The following NOS1 variants were observed in gnomAD, a reference collection of about 807,000 sequenced individuals.
The protein encoded by NOS1 is NOS type I.
NOS1 carries 51 observed loss-of-function variants against 164.5 expected under a neutral mutation model. The observed-to-expected ratio is 0.31, with a 90% confidence interval of 0.25 to 0.39. The LOEUF (loss-of-function observed/expected upper bound fraction) is 0.39. Ranked by LOEUF, NOS1 falls within the 10% of genes least tolerant of loss-of-function variation. The pLI, the probability that NOS1 is intolerant of heterozygous loss-of-function variation, is 1.00. For synonymous variants in NOS1, 719 were observed against 745.8 expected (o/e 0.96, Z 0.59); for missense variants, 1,362 against 1,885.6 (o/e 0.72, Z 5.14).
chr12:117,272,173 G>A lies in NOS1; in HGVS notation c.1839+212C>T, dbSNP rs1436151281. 1.3e-5 allele frequency among the ~76,000 whole-genome samples: 2 copies of A among 152,184 alleles called. No homozygotes were observed. Among genetic ancestry groups the A allele is most frequent in the Non-Finnish European group, 2.9e-5 (2 of 68,040 alleles). On this transcript the variant is annotated intron_variant, in intron 10 of 28. Transcript: ENST00000317775. This position sits in a 1 kb window ranked among gnomAD's most constrained non-coding sequence, Gnocchi z 4.3. ...ACAGTGCTTCGGATGCTGTTAGCAC[G>A]TGCTATGTGCTATGTGCGTGTTTGC... is the stretch of plus-strand genomic sequence containing the variant.
At chr12:117,355,102 C>T (rs894001639) in intron 1 of NOS1, among the ~76,000 whole-genome samples, 10 of 152,122 alleles carry the variant, frequency 6.6e-5, no homozygotes, top group African/African-American at 2.4e-4. Flanking sequence ...CAAATGTTCC[C>T]AGCAGAAGCT....
At position 117,356,614 on chromosome 12, in the gene NOS1, A is replaced by G. The variant is rs1876863579; in HGVS notation, c.-421+4898T>C. Among the ~76,000 whole-genome samples, 1 of 152,162 alleles carries G rather than the reference A, an allele frequency of 6.6e-6. No individual in the cohort carries two copies. Among genetic ancestry groups the G allele is most frequent in the African/African-American group, 2.4e-5 (1 of 41,420 alleles). ...TCTAGCACTGGCCTTGCCATTTAAC[A>G]CGTGTCATGACACATACAATAAATG... On this transcript the variant is annotated intron_variant, in intron 1 of 28. Transcript: ENST00000317775. The surrounding 1 kb of genome is among the most constrained non-coding windows in gnomAD (Gnocchi z 4.2).
At chr12:117,347,566 C>T (rs1031375937) in intron 1 of NOS1, among the ~76,000 whole-genome samples, 2 of 152,124 alleles carry the variant, frequency 1.3e-5, no homozygotes, top group African/African-American at 4.8e-5. Flanking sequence ...ACTGTGGGAC[C>T]CCTGCTAGTG....
intron 17 of NOS1, among the ~76,000 whole-genome samples, chr12:117,250,785 A>G (rs1436193770): frequency 2.6e-5 from 4 of 152,182 alleles, no homozygotes; most frequent in Non-Finnish European, 5.9e-5. Flanking sequence ...CACCTGCCTC[A>G]GCCTTAGCCC....
intron 18 of NOS1, among the ~76,000 whole-genome samples, chr12:117,245,389 C>T (rs1870539530): frequency 6.6e-6 from 1 of 152,048 alleles, no homozygotes; most frequent in South Asian, 2.1e-4. Context: ...ACAGCTCTGG[C>T]CAATAGGATG....
At chr12:117,291,915 A>G (rs1338190298) in intron 3 of NOS1, among the ~76,000 whole-genome samples, 1 of 152,130 alleles carries the variant, frequency 6.6e-6, no homozygotes, top group Non-Finnish European at 1.5e-5. Flanking sequence ...TCAGGCAAGC[A>G]TTGGTCACTT....
In NOS1 at chr12:117,234,682, C is replaced by T. The variant is rs764970966; in HGVS notation, c.3118G>A (p.Val1040Ile). ...AGGTCCTCGTGGTTGCCAGGGAAGA[C>T]ACCCAGGTGGTCCCCAGGCTGGTAC... ...LQYQPGDHLG[V>I]FPGNHEDLVN... Residue 1040 changes from valine (V) to isoleucine (I), a missense_variant, in exon 21 of 29, where the codon GTC (valine) becomes ATC (isoleucine). Around this residue, in one of 4 missense-constraint regions of NOS1, gnomAD observed 737 missense variants for 1,030.3 expected, o/e 0.72. Coordinates refer to ENST00000317775, the MANE Select transcript of NOS1 (RefSeq NM_000620.5). The surrounding 1 kb of genome is among the most constrained non-coding windows in gnomAD (Gnocchi z 4.3). 2.5e-6 allele frequency: 4 copies of T among 1,614,194 alleles called. No individual in the cohort carries two copies. The highest frequency in any genetic ancestry group is 3.4e-6 in the Non-Finnish European group (4 of 1,180,010).
chr12:117,330,541 C>G lies in NOS1; in HGVS notation c.529G>C (p.Gly177Arg). 8 of 1,613,818 alleles carry G rather than the reference C, an allele frequency of 5.0e-6. No homozygotes were observed. The highest frequency in any genetic ancestry group is 6.8e-6 in the Non-Finnish European group (8 of 1,179,994). Residue 177 changes from glycine (G) to arginine (R), a missense_variant, in exon 2 of 29, where the codon GGC becomes CGC. Gly to Arg is a moderately radical substitution (Grantham distance 125). Around this residue, in one of 4 missense-constraint regions of NOS1, gnomAD observed 362 missense variants for 402.0 expected, o/e 0.90. Transcript: ENST00000317775. This position sits in a 1 kb window ranked among gnomAD's most constrained non-coding sequence, Gnocchi z 4.6. ...TGGCCTGGGGGCCTGGGGGCCAGGC[C>G]GTTGGCATGGGGGAGTGAGCCAGCC... ...QEAGSLPHAN[G>R]LAPRPPGQDP... is the part of the protein sequence containing the mutation.
Position 117,355,022 on chromosome 12 carries a change from T to C in NOS1, c.-421+6490A>G, listed in dbSNP as rs527891610. 5.9e-5 allele frequency among the ~76,000 whole-genome samples: 9 copies of C among 152,338 alleles called. No individual in the cohort carries two copies. In the East Asian group the frequency reaches 1.7e-3, roughly 29 times the overall value. ...GAAAGGCTCACCTTTTTAATCCTCA[T>C]GGTAGCAAAATTTAGCTGTCAGGTT... On this transcript the variant is annotated intron_variant, in intron 1 of 28. Coordinates refer to ENST00000317775, the MANE Select transcript of NOS1 (RefSeq NM_000620.5).
At chr12:117,319,924 C>T (rs1270508074) in intron 2 of NOS1, among the ~76,000 whole-genome samples, 1 of 151,824 alleles carries the variant, frequency 6.6e-6, no homozygotes, top group Non-Finnish European at 1.5e-5. Flanking sequence ...CTCACCTGGT[C>T]CACATCTCAT....
At chr12:117,238,902 G>A (rs553345988) in intron 20 of NOS1, among the ~76,000 whole-genome samples, 8 of 152,230 alleles carry the variant, frequency 5.3e-5, no homozygotes, top group East Asian at 1.9e-4. Flanking sequence ...AAATTCTTCC[G>A]TCTGCTCTTC....
At chr12:117,358,440 C>T (rs1046507654) in intron 1 of NOS1, among the ~76,000 whole-genome samples, 13 of 152,210 alleles carry the variant, frequency 8.5e-5, no homozygotes, top group African/African-American at 3.1e-4. Flanking sequence ...GGGCAAAAAG[C>T]GGGCTGCTCT....
At chr12:117,239,704 T>C (rs1870010667) in intron 20 of NOS1, among the ~76,000 whole-genome samples, 1 of 149,642 alleles carries the variant, frequency 6.7e-6, no homozygotes, top group African/African-American at 2.5e-5. Context: ...TTATCCTTTT[T>C]CTTCTTCTTT....
At position 117,328,413 on chromosome 12, in the gene NOS1, C is replaced by T. The variant is rs557789837; in HGVS notation, c.725+1932G>A. ...CGAACTCCTGACCTCAGGTGATCTGCTCGTCTCAGCCTCCCAAAGTGCTGG... is the reference window on the plus strand; with the variant it reads ...CGAACTCCTGACCTCAGGTGATCTGTTCGTCTCAGCCTCCCAAAGTGCTGG... On this transcript the variant is annotated intron_variant, in intron 2 of 28. Transcript: ENST00000317775. 6.6e-5 allele frequency among the ~76,000 whole-genome samples: 10 copies of T among 152,310 alleles called. No individual in the cohort carries two copies. The East Asian group carries it at 1.9e-3, about 29-fold the overall frequency.
In NOS1 at chr12:117,350,016, T is replaced by C. The variant is rs998506060; in HGVS notation, c.-421+11496A>G. Among the ~76,000 whole-genome samples, 4 of 152,224 alleles carry C rather than the reference T, an allele frequency of 2.6e-5. No individual in the cohort carries two copies. The South Asian group carries it at 6.2e-4, about 24-fold the overall frequency. ...CTGGGTTTACAGGTGTGAGCCACCA[T>C]GCCTGGCCGGCTGGTGTTATTATTA... On this transcript the variant is annotated intron_variant, in intron 1 of 28. Coordinates refer to ENST00000317775, the MANE Select transcript of NOS1 (RefSeq NM_000620.5).
intron 2 of NOS1, among the ~76,000 whole-genome samples, chr12:117,316,438 C>T (rs1874673347): frequency 6.6e-6 from 1 of 152,146 alleles, no homozygotes; most frequent in Admixed American, 6.5e-5. Context: ...TACTTAAGCT[C>T]CCCAGGTTGC....
rs971977609 is a variant in NOS1 at position 117,243,510 on chromosome 12, C to T, written c.2824-75G>A. 23 of 1,533,264 alleles carry T rather than the reference C, an allele frequency of 1.5e-5. No homozygotes were observed. Among genetic ancestry groups the T allele is most frequent in the Non-Finnish European group, 2.0e-5 (23 of 1,123,246 alleles). The allele number at this position is 1,533,264 out of a possible 1,614,324, so 95.0% of individuals were successfully genotyped here. A position where few individuals can be genotyped will look rare whatever the true frequency, so the allele number is the denominator to read the frequency against. ...CCTCTCCAACAGCTCCAAGTCATGG[C>T]ATGTATCTCTTCATTCACCCATCCA... On this transcript the variant is annotated intron_variant, in intron 18 of 28. Transcript: ENST00000317775. The surrounding 1 kb of genome is among the most constrained non-coding windows in gnomAD (Gnocchi z 4.3).
At chr12:117,255,986 ATT>A (rs755053163) in intron 16 of NOS1, 2 of 1,480,912 alleles carry the variant, frequency 1.4e-6, no homozygotes, top group Non-Finnish European at 1.8e-6. Flanking sequence ...CTGTGTCACC[ATT>A]GGGGAGGGGA....
At chr12:117,277,602 GAAAGAAAAAGAA>G (rs938074453) in intron 9 of NOS1, among the ~76,000 whole-genome samples, 1 of 151,752 alleles carries the variant, frequency 6.6e-6, no homozygotes, top group Non-Finnish European at 1.5e-5. Flanking sequence ...TCAAAAAAAA[GAAAGAAAAAGAA>G]AAAGAAAAAG....
Sources: allele counts gnomAD v4.1 joint callset (sites outside exome capture counted in the v4.1 genomes callset), GRCh38; gene constraint gnomAD v4.1.1; regional missense constraint gnomAD v4.1.1; non-coding constraint Gnocchi (gnomAD v3.1); transcripts MANE v1.5; gene names NCBI Gene and HGNC (gene_info 2026-07-23, HGNC 2026-07-21).